FIGNL2: variants seen among roughly 807,000 people sequenced by gnomAD.
FIGNL2 encodes fidgetin-like protein 2.
For synonymous variants in FIGNL2, 565 were observed against 484.0 expected, an observed-to-expected ratio of 1.17 and a Z score of -2.20; for missense variants, 1,060 against 950.2, an observed-to-expected ratio of 1.12 and a Z score of -1.52.
intron 1 of FIGNL2, chr12:51,848,268 AG>A: frequency 1.0e-6 from 1 of 962,270 alleles, no homozygotes; most frequent in Non-Finnish European, 1.2e-6. Context: ...CCCGCACCAG[AG>A]GGGGCTGCGA....
In FIGNL2 at chr12:51,821,486, G is replaced by A. The variant is rs1446150985; in HGVS notation, c.928C>T (p.Arg310Trp). The change falls in exon 2 of 2, where the codon CGG becomes TGG. Residue 310 changes from arginine (R) to tryptophan (W), a missense_variant. Transcript: ENST00000618634. Reference protein sequence around the residue: ...DNGECRGNGFRAKPPGAAEEA... With the variant: ...DNGECRGNGFWAKPPGAAEEA... ...TCCGCGGCTCCTGGCGGCTTGGCCC[G>A]GAACCCGTTGCCCCGACATTCGCCG... 3.2e-6 allele frequency: 5 copies of A among 1,554,434 alleles called. No homozygotes were observed. The highest frequency in any genetic ancestry group is 3.6e-5 in the Admixed American group (2 of 55,412).
At chr12:51,845,523 GGGGCCT>G in intron 1 of FIGNL2, 1 of 985,408 alleles carries the variant, frequency 1.0e-6, no homozygotes, top group Non-Finnish European at 1.2e-6. Context: ...CAGGGGCACT[GGGGCCT>G]GGAGTCCACA....
intron 1 of FIGNL2, among the ~76,000 whole-genome samples, chr12:51,833,562 G>T (rs1939511458): frequency 6.6e-6 from 1 of 152,108 alleles, no homozygotes; most frequent in South Asian, 2.1e-4. Context: ...CTCACCTGCT[G>T]CCACTGCCCC....
chr12:51,842,544 A>G (rs1939680361), intron 1 of FIGNL2, among the ~76,000 whole-genome samples: 2 of 152,108 alleles, frequency 1.3e-5, no homozygotes, highest in South Asian at 4.2e-4. Flanking sequence ...GAAAGAACAA[A>G]CACCTCCAGA....
chr12:51,823,971 G>C (rs1022658490), intron 1 of FIGNL2: 1 of 152,250 alleles, frequency 6.6e-6, no homozygotes, highest in African/African-American at 2.4e-5. Flanking sequence ...CATGAAAAGT[G>C]AGGGATCAAG....
intron 1 of FIGNL2, among the ~76,000 whole-genome samples, chr12:51,832,281 T>C (rs962633329): frequency 2.6e-5 from 4 of 152,134 alleles, no homozygotes; most frequent in African/African-American, 9.7e-5. Flanking sequence ...CCTCCCAAAG[T>C]GCTGTGATTA....
chr12:51,822,527 C>G, intron 1 of FIGNL2, 103 bp from the exon 2 acceptor site: 2 of 1,399,278 alleles, frequency 1.4e-6, no homozygotes, highest in Admixed American at 4.1e-5. Context: ...CTTGGACAGG[C>G]TGGGCTTCCG....
chr12:51,823,715 T>G (rs1425158442), intron 1 of FIGNL2: 2 of 152,210 alleles, frequency 1.3e-5, no homozygotes, highest in Non-Finnish European at 2.9e-5. Context: ...AAGCTAAACT[T>G]TTGATAAGAC....
At chr12:51,834,543 C>G (rs916980220) in intron 1 of FIGNL2, among the ~76,000 whole-genome samples, 26 of 152,240 alleles carry the variant, frequency 1.7e-4, no homozygotes, top group African/African-American at 5.8e-4. Context: ...CCCCGCCAGT[C>G]TGGCTCCTCT....
chr12:51,848,325 GC>G lies in FIGNL2; in HGVS notation c.-12+214del, dbSNP rs1939796881. 5.1e-6 allele frequency: 5 copies of G among 970,972 alleles called. No homozygotes were observed. In the South Asian group the frequency reaches 1.4e-4, roughly 28 times the overall value. 60.1% of individuals were successfully genotyped at this position (970,972 alleles called of 1,614,324 possible). A position where few individuals can be genotyped will look rare whatever the true frequency, so the allele number is the denominator to read the frequency against. On this transcript the variant is annotated intron_variant, in intron 1 of 1. Coordinates refer to ENST00000618634, the MANE Select transcript of FIGNL2 (RefSeq NM_001384995.1). ...CGGGCGGCTATCCCCTGCTCTGCCC[GC>G]CCCCTCCCCCCGAGAAGTGACCCTC...
At chr12:51,845,773 CT>C (rs35676459) in intron 1 of FIGNL2, 423,706 of 564,758 alleles carry the variant, frequency 0.75, 161,237 homozygotes, top group East Asian at 0.82. Flanking sequence ...GCAGTCGGAG[CT>C]TGGGGGGAGA....
chr12:51,830,218 G>T (rs993608041), intron 1 of FIGNL2, among the ~76,000 whole-genome samples: 4 of 151,216 alleles, frequency 2.6e-5, no homozygotes, highest in African/African-American at 9.7e-5. Context: ...GAACCTGGAA[G>T]GCGGAGGTTG....
At chr12:51,826,807 G>A (rs1165387200) in intron 1 of FIGNL2, among the ~76,000 whole-genome samples, 1 of 152,250 alleles carries the variant, frequency 6.6e-6, no homozygotes, top group Non-Finnish European at 1.5e-5. Flanking sequence ...GAGGGTAGAA[G>A]TTTGAGAAGA....
At chr12:51,848,459 G>A in intron 1 of FIGNL2, 81 bp downstream of exon 1, 1 of 982,460 alleles carries the variant, frequency 1.0e-6, no homozygotes, top group Non-Finnish European at 1.2e-6. Context: ...TCCGGCCCCG[G>A]GCCGGCGGAC....
chr12:51,846,977 C>A, intron 1 of FIGNL2: 1 of 983,416 alleles, frequency 1.0e-6, no homozygotes, highest in Non-Finnish European at 1.2e-6. Context: ...GCCCAGCCAC[C>A]CCAGCAAGCC....
At chr12:51,829,759 G>T (rs1230760228) in intron 1 of FIGNL2, among the ~76,000 whole-genome samples, 1 of 151,476 alleles carries the variant, frequency 6.6e-6, no homozygotes, top group African/African-American at 2.4e-5. Flanking sequence ...TCAGAAAGGA[G>T]GGAGGGAGGG....
At chr12:51,846,494 C>A (rs1939753078) in intron 1 of FIGNL2, among the ~76,000 whole-genome samples, 1 of 152,146 alleles carries the variant, frequency 6.6e-6, no homozygotes, top group Admixed American at 6.5e-5. Flanking sequence ...AGTCCTGATC[C>A]ATAAAAAGCT....
chr12:51,832,671 C>G (rs1487538071), intron 1 of FIGNL2, among the ~76,000 whole-genome samples: 1 of 152,158 alleles, frequency 6.6e-6, no homozygotes, highest in Admixed American at 6.5e-5. Flanking sequence ...CGTGCATGAT[C>G]CCATCCCATC....
chr12:51,828,781 C>G (rs980690865), intron 1 of FIGNL2, among the ~76,000 whole-genome samples: 1 of 152,176 alleles, frequency 6.6e-6, no homozygotes, highest in Non-Finnish European at 1.5e-5. Context: ...GTGATCATGG[C>G]CAAGACATGA....
Sources: gnomAD v4.1 joint callset for allele counts (sites outside exome capture counted in the v4.1 genomes callset) on GRCh38, gnomAD v4.1.1 for gene constraint, MANE v1.5 for transcripts, NCBI Gene and HGNC (gene_info 2026-07-23, HGNC 2026-07-21) for gene names.